PANK1: variants seen among roughly 807,000 people sequenced by gnomAD.
PANK1 encodes the protein pantothenate kinase 1.
In PANK1, 18 loss-of-function variants were observed where a neutral mutation model predicts 40.1. The observed-to-expected ratio is 0.45, with a 90% confidence interval of 0.31 to 0.67. The LOEUF (loss-of-function observed/expected upper bound fraction) is 0.67, where lower values mean the gene tolerates loss of function less well. Ranked by LOEUF, PANK1 falls within the 30% of genes least tolerant of loss-of-function variation. The pLI is 0.06. For missense variants in PANK1, 457 were observed against 599.6 expected, an observed-to-expected ratio of 0.76 and a Z score of 2.48; for synonymous variants, 242 against 237.7, an observed-to-expected ratio of 1.02 and a Z score of -0.17.
chr10:89,586,125 A>C, intron 6 of PANK1, among the ~76,000 whole-genome samples: 1 of 152,192 alleles, frequency 6.6e-6, no homozygotes. Context: ...ATGTTATAGA[A>C]GACTTTTTAT....
At chr10:89,621,870 C>T (rs546381234) in intron 1 of PANK1, among the ~76,000 whole-genome samples, 57 of 152,290 alleles carry the variant, frequency 3.7e-4, no homozygotes, top group African/African-American at 1.3e-3. Flanking sequence ...TGTGTCACCA[C>T]GCCTTGCTAA....
intron 1 of PANK1, among the ~76,000 whole-genome samples, chr10:89,622,697 C>A (rs967077926): frequency 6.6e-6 from 1 of 151,966 alleles, no homozygotes; most frequent in Non-Finnish European, 1.5e-5. Context: ...ATTTGCCGGG[C>A]ATGGTGGCTG....
In PANK1 at chr10:89,644,730, G is replaced by T. The variant is rs1365650867; in HGVS notation, c.162C>A (p.Ser54Arg). 6.5e-7 allele frequency: 1 copy of T among 1,528,012 alleles called. No homozygotes were observed. 94.7% of individuals were successfully genotyped at this position (1,528,012 alleles called of 1,614,324 possible). A position where few individuals can be genotyped will look rare whatever the true frequency, so the allele number is the denominator to read the frequency against. Reference sequence around the variant, plus strand: ...GCGGGAGGCGCTGGGGCGCCGCGTCGCTGCCGCCCACTGGACCCCGGCTGC... The same window carrying T: ...GCGGGAGGCGCTGGGGCGCCGCGTCTCTGCCGCCCACTGGACCCCGGCTGC... ...HVCSRGPVGGSDAAPQRLPLL... is the reference protein window; with the variant it reads ...HVCSRGPVGGRDAAPQRLPLL... Residue 54 changes from serine (S) to arginine (R), a missense_variant, in exon 1 of 7, where the codon AGC becomes AGA. Physicochemically the swap from Ser to Arg is moderately radical, Grantham distance 110. Transcript: ENST00000307534.
At chr10:89,619,262 T>C (rs1260759714) in intron 1 of PANK1, among the ~76,000 whole-genome samples, 5 of 152,218 alleles carry the variant, frequency 3.3e-5, no homozygotes, top group African/African-American at 1.2e-4. Context: ...ACAAAGCCTA[T>C]TTCTTGAAGG....
intron 1 of PANK1, among the ~76,000 whole-genome samples, chr10:89,630,649 C>T (rs952266303): frequency 6.6e-6 from 1 of 152,028 alleles, no homozygotes; most frequent in African/African-American, 2.4e-5. Flanking sequence ...CCCGTCACCT[C>T]GCCCGGCTAA....
chr10:89,632,538 TAACTC>T (rs1302642633), intron 1 of PANK1, among the ~76,000 whole-genome samples: 1 of 151,934 alleles, frequency 6.6e-6, no homozygotes, highest in Non-Finnish European at 1.5e-5. Context: ...AATGAACAAA[TAACTC>T]AAAATAACTG....
At chr10:89,580,406 T>C (rs1250810871), downstream of PANK1, 1 of 152,248 alleles carries the variant, frequency 6.6e-6, no homozygotes, top group Non-Finnish European at 1.5e-5. Context: ...TCCGCAATGT[T>C]AGCATGGAAG....
At chr10:89,605,379 C>T (rs907111965) in intron 2 of PANK1, among the ~76,000 whole-genome samples, 1 of 152,216 alleles carries the variant, frequency 6.6e-6, no homozygotes, top group African/African-American at 2.4e-5. Flanking sequence ...TCCATCCTCT[C>T]AAACTCTGCC....
intron 1 of PANK1, 28 bp downstream of exon 1, chr10:89,644,572 C>T: frequency 6.4e-7 from 1 of 1,569,122 alleles, no homozygotes; most frequent in Non-Finnish European, 8.6e-7. Context: ...CTGCCTTGCG[C>T]CCGCGCTCCC....
intron 1 of PANK1, among the ~76,000 whole-genome samples, chr10:89,623,263 C>A (rs1263513185): frequency 1.3e-5 from 2 of 151,954 alleles, no homozygotes; most frequent in East Asian, 3.9e-4. Flanking sequence ...GCTCTGTGGC[C>A]CAGGCTGGAG....
At chr10:89,609,575 G>A (rs749672444) in intron 2 of PANK1, among the ~76,000 whole-genome samples, 17 of 152,186 alleles carry the variant, frequency 1.1e-4, no homozygotes, top group Non-Finnish European at 2.2e-4. Context: ...CATCAAATGG[G>A]CTATAGGAAA....
chr10:89,602,255 C>T (rs1844810545), intron 2 of PANK1, among the ~76,000 whole-genome samples: 1 of 152,218 alleles, frequency 6.6e-6, no homozygotes, highest in African/African-American at 2.4e-5. Context: ...TACGTACGTA[C>T]TAGAAAAGAA....
chr10:89,580,999 T>C (rs984637387), downstream of PANK1: 21 of 152,374 alleles, frequency 1.4e-4, no homozygotes, highest in African/African-American at 4.8e-4. Context: ...TACTTTTTCT[T>C]TGTAGTACTG....
At chr10:89,590,046 AAAG>A (rs1405154983) in intron 5 of PANK1, among the ~76,000 whole-genome samples, 31 of 151,386 alleles carry the variant, frequency 2.0e-4, no homozygotes, top group African/African-American at 5.6e-4. Flanking sequence ...AAAAAAAAAA[AAAG>A]AAAGAAAGAA....
intron 1 of PANK1, chr10:89,639,007 C>T (rs1384772949): frequency 7.5e-6 from 2 of 265,974 alleles, no homozygotes; most frequent in East Asian, 8.0e-5. Context: ...AGTTCCAAAA[C>T]CGCTTTCACA....
intron 1 of PANK1, among the ~76,000 whole-genome samples, chr10:89,615,902 T>A (rs1214845439): frequency 6.6e-6 from 1 of 152,174 alleles, no homozygotes; most frequent in Non-Finnish European, 1.5e-5. Flanking sequence ...AGGAAGAACA[T>A]CCTAGTGCAG....
At chr10:89,588,889 GT>G (rs887090782) in intron 5 of PANK1, 112 bp from the exon 6 acceptor site, 6 of 645,430 alleles carry the variant, frequency 9.3e-6, no homozygotes, top group South Asian at 4.5e-5. Context: ...AATATTCCTT[GT>G]TTTTTTGGTG....
chr10:89,589,321 A>T (rs1844299667), intron 5 of PANK1, among the ~76,000 whole-genome samples: 1 of 152,342 alleles, frequency 6.6e-6, no homozygotes, highest in African/African-American at 2.4e-5. Flanking sequence ...CACATGAGTT[A>T]AAATATGGTA....
chr10:89,619,204 T>C (rs1845407841), intron 1 of PANK1, among the ~76,000 whole-genome samples: 1 of 152,242 alleles, frequency 6.6e-6, no homozygotes, highest in African/African-American at 2.4e-5. Context: ...GCATTTCAAA[T>C]ATTGTGGCAA....
Sources: gnomAD v4.1 joint callset for allele counts (sites outside exome capture counted in the v4.1 genomes callset) on GRCh38, gnomAD v4.1.1 for gene constraint, MANE v1.5 for transcripts, NCBI Gene and HGNC (gene_info 2026-07-23, HGNC 2026-07-21) for gene names.